Variants in TNFAIP8 observed in about 807,000 individuals in gnomAD.
The protein encoded by TNFAIP8 is TNF alpha induced protein 8, also known as tumor necrosis factor alpha-induced protein 8.
Under a neutral mutation model 13.3 loss-of-function variants are expected in TNFAIP8, and 7 were observed. That is an observed-to-expected ratio of 0.52 (90% confidence interval 0.30 to 0.99). TNFAIP8 has a LOEUF of 0.99. TNFAIP8 is among the 50% of genes least tolerant of loss of function. TNFAIP8 has a pLI of 0.07. For synonymous variants in TNFAIP8, 94 were observed against 87.6 expected, an observed-to-expected ratio of 1.07 and a Z score of -0.41; for missense variants, 258 against 236.9, an observed-to-expected ratio of 1.09 and a Z score of -0.58.
At chr5:119,277,524 C>G (rs1243444372) in intron 1 of TNFAIP8, among the ~76,000 whole-genome samples, 1 of 152,130 alleles carries the variant, frequency 6.6e-6, no homozygotes, top group African/African-American at 2.4e-5. Flanking sequence ...GTCCAGCTCT[C>G]CTCTTATAAG....
At chr5:119,354,372 A>G (rs1029941614), upstream of TNFAIP8, 1 of 152,096 alleles carries the variant, frequency 6.6e-6, no homozygotes, top group Non-Finnish European at 1.5e-5. Context: ...CTGCTCTTTC[A>G]GTGAAATTGA....
At chr5:119,389,805 T>C in intron 1 of TNFAIP8, among the ~76,000 whole-genome samples, 1 of 152,190 alleles carries the variant, frequency 6.6e-6, no homozygotes, top group East Asian at 1.9e-4. Context: ...CTGCTGTGTT[T>C]CTGGAGCGGG....
At chr5:119,270,186 T>G (rs1352697391) in intron 1 of TNFAIP8, among the ~76,000 whole-genome samples, 1 of 152,218 alleles carries the variant, frequency 6.6e-6, no homozygotes, top group Non-Finnish European at 1.5e-5. Flanking sequence ...AAGGTAAGAG[T>G]TGATAAATCA....
At chr5:119,337,778 G>A (rs768951250) in intron 1 of TNFAIP8, among the ~76,000 whole-genome samples, 1 of 152,154 alleles carries the variant, frequency 6.6e-6, no homozygotes, top group African/African-American at 2.4e-5. Flanking sequence ...GGGAGATGGA[G>A]AATGAGAGTG....
At chr5:119,296,967 G>A (rs1171483649) in intron 1 of TNFAIP8, among the ~76,000 whole-genome samples, 10 of 151,726 alleles carry the variant, frequency 6.6e-5, no homozygotes, top group Admixed American at 6.6e-4. Flanking sequence ...GGGATCGGTG[G>A]TGATATCCCC....
At chr5:119,287,223 C>T (rs565985293) in intron 1 of TNFAIP8, among the ~76,000 whole-genome samples, 1 of 148,740 alleles carries the variant, frequency 6.7e-6, no homozygotes, top group African/African-American at 2.4e-5. Context: ...CAGCATTCCT[C>T]CTTAGTTTGC....
intron 1 of TNFAIP8, among the ~76,000 whole-genome samples, chr5:119,360,130 C>T (rs575429898): frequency 6.6e-6 from 1 of 152,268 alleles, no homozygotes; most frequent in Non-Finnish European, 1.5e-5. Context: ...ACCTTTCTTG[C>T]CCCCACCTTA....
rs1483314199 is a variant in TNFAIP8 at position 119,356,132 on chromosome 5, G to A, written c.31+11G>A. 6.3e-7 allele frequency: 1 copy of A among 1,578,372 alleles called. No individual in the cohort carries two copies. Among genetic ancestry groups the A allele is most frequent in the Non-Finnish European group, 8.6e-7 (1 of 1,159,474 alleles). On this transcript the variant is annotated intron_variant, in intron 1 of 1. Coordinates refer to ENST00000504771, the MANE Select transcript of TNFAIP8 (RefSeq NM_014350.4). The stretch of plus-strand genomic sequence containing the variant: ...AAGAATCCAAGGAAGGTAGGATTCT[G>A]GTTTCTCCTGGGGGCCGGCCAAGTT...
rs530219342 is a variant in TNFAIP8, at chr5:119,326,901, T to A, written c.1+57994T>A. Among the ~76,000 whole-genome samples the A allele has an allele frequency of 4.4e-4, 67 of 152,188 alleles. 2 individuals carry two copies. In the South Asian group the frequency reaches 0.014, roughly 31 times the overall value. ...AGAAGCTGTTTGGAAGTAAGAACAT[T>A]TATGAATTTAGTTTTGACCCATCCC... On this transcript the variant is annotated intron_variant, in intron 1 of 1. Coordinates refer to the TNFAIP8 transcript ENST00000274456.
At chr5:119,304,970 G>T (rs1224460008) in intron 1 of TNFAIP8, among the ~76,000 whole-genome samples, 1 of 152,192 alleles carries the variant, frequency 6.6e-6, no homozygotes, top group Admixed American at 6.5e-5. Context: ...ATGAGTCAGT[G>T]TAATCTGCAT....
At chr5:119,366,889 C>T (rs531635830) in intron 1 of TNFAIP8, among the ~76,000 whole-genome samples, 1 of 152,308 alleles carries the variant, frequency 6.6e-6, no homozygotes, top group East Asian at 1.9e-4. Flanking sequence ...GTCCTTGCCA[C>T]CTACCTATTC....
chr5:119,283,891 C>T (rs535601236), intron 1 of TNFAIP8, among the ~76,000 whole-genome samples: 5 of 152,346 alleles, frequency 3.3e-5, no homozygotes, highest in African/African-American at 1.2e-4. Context: ...AAAACTGTTT[C>T]TATTCCATTT....
chr5:119,297,480 A>C (rs1581581415), intron 1 of TNFAIP8, among the ~76,000 whole-genome samples: 2 of 152,214 alleles, frequency 1.3e-5, no homozygotes, highest in Middle Eastern at 3.4e-3. Context: ...ACAGTTTGTT[A>C]TAATTTCTGT....
chr5:119,309,954 A>C (rs1184138399), intron 1 of TNFAIP8, among the ~76,000 whole-genome samples: 1 of 152,210 alleles, frequency 6.6e-6, no homozygotes, highest in Non-Finnish European at 1.5e-5. Context: ...GAAGAAATAA[A>C]ACCAGACACA....
At chr5:119,289,483 C>A (rs907139402) in intron 1 of TNFAIP8, among the ~76,000 whole-genome samples, 1 of 152,286 alleles carries the variant, frequency 6.6e-6, no homozygotes, top group South Asian at 2.1e-4. Context: ...GGCTGGAAAC[C>A]TCTTTTAAAG....
chr5:119,392,943 G>C lies in TNFAIP8; in HGVS notation c.159G>C (p.Glu53Asp). 1 of 1,609,608 alleles carries C rather than the reference G, an allele frequency of 6.2e-7. No individual in the cohort carries two copies. The highest frequency in any genetic ancestry group is 8.5e-7 in the Non-Finnish European group (1 of 1,177,928). Residue 53 changes from glutamate to aspartate, a missense_variant, in exon 2 of 2, where the codon GAG (glutamate) becomes GAC (aspartate). Physicochemically the swap from Glu to Asp is conservative, Grantham distance 45. Coordinates refer to ENST00000504771, the MANE Select transcript of TNFAIP8 (RefSeq NM_014350.4). ...IDDTSSEVLD[E>D]LYRVTREYTQ... ...ACACAAGTAGTGAGGTGCTGGATGA[G>C]CTCTACAGAGTGACCAGGGAGTACA...
intron 1 of TNFAIP8, among the ~76,000 whole-genome samples, chr5:119,317,679 A>T (rs1749939707): frequency 6.6e-6 from 1 of 151,594 alleles, no homozygotes; most frequent in Non-Finnish European, 1.5e-5. Context: ...GCTCACTGCA[A>T]CCTCCACCTC....
chr5:119,297,264 C>T (rs1224649907), intron 1 of TNFAIP8, among the ~76,000 whole-genome samples: 1 of 152,088 alleles, frequency 6.6e-6, no homozygotes, highest in Non-Finnish European at 1.5e-5. Context: ...TTTCCCTCTA[C>T]ACACTGCTTT....
chr5:119,393,458 G>T lies in TNFAIP8; in HGVS notation c.*77G>T. On this transcript the variant is annotated 3_prime_UTR_variant, in exon 2 of 2. Transcript: ENST00000504771. ...TGCTGATTTATGAAGGAAAAAAGAAGAATTTTCTAAAGATTACACATATTT... is the reference window on the plus strand; with the variant it reads ...TGCTGATTTATGAAGGAAAAAAGAATAATTTTCTAAAGATTACACATATTT... The T allele has an allele frequency of 7.5e-7, 1 of 1,334,472 alleles. No individual in the cohort carries two copies. Among genetic ancestry groups the T allele is most frequent in the Non-Finnish European group, 1.0e-6 (1 of 975,442 alleles). 82.7% of individuals were successfully genotyped at this position (1,334,472 alleles called of 1,614,324 possible). A position where few individuals can be genotyped will look rare whatever the true frequency, so the allele number is the denominator to read the frequency against.
Sources: gnomAD v4.1 joint callset for allele counts (sites outside exome capture counted in the v4.1 genomes callset) on GRCh38, gnomAD v4.1.1 for gene constraint, MANE v1.5 for transcripts, NCBI Gene and HGNC (gene_info 2026-07-23, HGNC 2026-07-21) for gene names.